SPON1: variants seen among roughly 807,000 people sequenced by gnomAD.
The protein encoded by SPON1 is spondin 1.
Under a neutral mutation model 111.7 loss-of-function variants are expected in SPON1, and 52 were observed. The observed-to-expected ratio is 0.47, with a 90% CI of 0.37 to 0.59. The LOEUF (loss-of-function observed/expected upper bound fraction) is 0.59, where lower values mean the gene tolerates loss of function less well. Ranked by LOEUF, SPON1 falls within the 20% of genes least tolerant of loss-of-function variation. SPON1 has a pLI of 0.00. For missense variants in SPON1, 957 were observed against 1,068.5 expected, an observed-to-expected ratio of 0.90 and a Z score of 1.46; for synonymous variants, 410 against 395.8, an observed-to-expected ratio of 1.04 and a Z score of -0.43.
intron 6 of SPON1, among the ~76,000 whole-genome samples, chr11:14,215,186 G>T (rs1477009533): frequency 1.3e-5 from 2 of 152,094 alleles, no homozygotes; most frequent in African/African-American, 4.8e-5. Flanking sequence ...CTCCCAAGTA[G>T]CTGGGACTAC....
In SPON1 at chr11:13,963,036, C is replaced by T. The variant is rs3761859; in HGVS notation, c.132C>T (p.Cys44=). 0.26 allele frequency: 414,253 copies of T among 1,586,008 alleles called. 55,993 individuals are homozygous for T. The highest frequency in any genetic ancestry group is 0.35 in the South Asian group (30,732 of 86,668). The change falls in exon 1 of 16, where the codon TGC becomes TGT. Residue 44 remains cysteine (C), a synonymous_variant. Coordinates refer to ENST00000576479, the MANE Select transcript of SPON1 (RefSeq NM_006108.4). ...AAGTGCCCAAGTCAGAGGGCTACTG[C>T]AGCCGTATCCTGCGCGCCCAGGGCA... ...LDKVPKSEGY[C]SRILRAQGTR...
chr11:14,242,405 G>A (rs1350082794), intron 6 of SPON1, among the ~76,000 whole-genome samples: 1 of 152,166 alleles, frequency 6.6e-6, no homozygotes, highest in Non-Finnish European at 1.5e-5. Context: ...ACATTCTGGA[G>A]TTTTCCACAC....
intron 7 of SPON1, among the ~76,000 whole-genome samples, chr11:14,250,170 C>T (rs753065232): frequency 5.9e-5 from 9 of 152,146 alleles, no homozygotes; most frequent in Non-Finnish European, 1.2e-4. Context: ...ACATTTTTTG[C>T]CAGCATGTCA....
At chr11:14,002,893 A>G (rs1336662292) in intron 2 of SPON1, among the ~76,000 whole-genome samples, 2 of 152,074 alleles carry the variant, frequency 1.3e-5, no homozygotes, top group African/African-American at 2.4e-5. Context: ...CCAAAGTCCT[A>G]GGACCCCACA....
chr11:14,235,341 C>T (rs879950567), intron 6 of SPON1, among the ~76,000 whole-genome samples: 5 of 152,166 alleles, frequency 3.3e-5, no homozygotes, highest in South Asian at 2.1e-4. Context: ...CAAACACCCT[C>T]GCCCTCTTGG....
intron 9 of SPON1, among the ~76,000 whole-genome samples, chr11:14,256,043 T>C (rs138698716): frequency 6.6e-6 from 1 of 152,268 alleles, no homozygotes; most frequent in African/African-American, 2.4e-5. Flanking sequence ...GGTCAGGAAT[T>C]CAAGACCAGC....
chr11:13,997,963 T>C (rs544804087), intron 2 of SPON1, among the ~76,000 whole-genome samples: 27 of 152,278 alleles, frequency 1.8e-4, no homozygotes, highest in Non-Finnish European at 1.9e-4. Context: ...TTGCTTCGTA[T>C]ACTTTAACTT....
At chr11:14,107,712 C>A (rs1849196345) in intron 5 of SPON1, among the ~76,000 whole-genome samples, 2 of 152,078 alleles carry the variant, frequency 1.3e-5, no homozygotes. Context: ...ATACCAAATC[C>A]CCAAACCAGA....
At chr11:14,084,144 T>G (rs1193311503) in intron 5 of SPON1, among the ~76,000 whole-genome samples, 1 of 152,094 alleles carries the variant, frequency 6.6e-6, no homozygotes, top group Admixed American at 6.5e-5. Context: ...CTTTTTTTTT[T>G]TAACTTTAAG....
chr11:14,139,783 AG>A (rs1337601491), intron 6 of SPON1, among the ~76,000 whole-genome samples: 1 of 151,866 alleles, frequency 6.6e-6, no homozygotes, highest in Non-Finnish European at 1.5e-5. Context: ...AGGAGTAGGG[AG>A]GGGCCTGTTT....
chr11:14,081,242 C>A (rs1424771541), intron 5 of SPON1, among the ~76,000 whole-genome samples: 14 of 152,082 alleles, frequency 9.2e-5, no homozygotes, highest in Admixed American at 9.2e-4. Context: ...ATGTGCCAGG[C>A]ACTGTGCTCA....
chr11:14,204,560 T>C (rs1848497308), intron 6 of SPON1, among the ~76,000 whole-genome samples: 3 of 152,168 alleles, frequency 2.0e-5, no homozygotes, highest in African/African-American at 7.2e-5. Flanking sequence ...AGTGCTGGGA[T>C]TACAGGCGTG....
Position 14,037,666 on chromosome 11 carries a change from G to T in SPON1, c.346-3855G>T, listed in dbSNP as rs571375544. ...ACAGAAGAAAACCTAGATGACATTG[G>T]ATATGGCAGTGATTTTTTAAGTACA... On this transcript the variant is annotated intron_variant, in intron 2 of 15. Transcript: ENST00000576479. 6.3e-4 allele frequency among the ~76,000 whole-genome samples: 96 copies of T among 152,262 alleles called. 1 individual carries two copies. Among genetic ancestry groups the T allele is most frequent in the African/African-American group, 2.3e-3 (94 of 41,550 alleles).
rs540826315 is a variant in SPON1, at chr11:14,135,176, C to T, written c.677-244C>T. 3.5e-5 allele frequency: 14 copies of T among 401,046 alleles called. No homozygotes were observed. The highest frequency in any genetic ancestry group is 2.4e-4 in the African/African-American group (12 of 50,670). 24.8% of individuals were successfully genotyped at this position (401,046 alleles called of 1,614,324 possible). On this transcript the variant is annotated intron_variant, in intron 5 of 15. Transcript: ENST00000576479. This position sits in a 1 kb window ranked among gnomAD's most constrained non-coding sequence, Gnocchi z 4.4. ...TTCTCTGAGACCTTCCTAGACAGAACGCATCTCTGGGCTGCCTCTGCGTCT... is the reference window on the plus strand; with the variant it reads ...TTCTCTGAGACCTTCCTAGACAGAATGCATCTCTGGGCTGCCTCTGCGTCT...
intron 6 of SPON1, among the ~76,000 whole-genome samples, chr11:14,206,774 G>A (rs1490487661): frequency 2.0e-5 from 3 of 152,124 alleles, no homozygotes; most frequent in African/African-American, 2.4e-5. Context: ...CCCGTGGATA[G>A]GGAAGAGTCA....
chr11:14,144,301 A>G (rs1167599630), intron 6 of SPON1, among the ~76,000 whole-genome samples: 1 of 152,190 alleles, frequency 6.6e-6, no homozygotes, highest in East Asian at 1.9e-4. Context: ...CTACTAGAGC[A>G]TAAAGACAAG....
At chr11:13,982,992 C>A (rs180989995) in intron 2 of SPON1, 39 bp downstream of exon 2, 2 of 1,369,922 alleles carry the variant, frequency 1.5e-6, no homozygotes, top group Non-Finnish European at 2.0e-6. Flanking sequence ...GCCCTCCCTG[C>A]CCTAGGAGGT....
intron 5 of SPON1, among the ~76,000 whole-genome samples, chr11:14,082,179 A>G (rs1848967520): frequency 1.1e-5 from 1 of 88,716 alleles, no homozygotes; most frequent in Non-Finnish European, 2.9e-5. Flanking sequence ...GAATTTAGGG[A>G]GGAGGTGAAA....
rs187095614 is a variant in SPON1 at position 13,963,816 on chromosome 11, C to T, written c.238+674C>T. Among the ~76,000 whole-genome samples the T allele has an allele frequency of 4.1e-3, 625 of 152,298 alleles. 2 individuals are homozygous for T. Among genetic ancestry groups the T allele is most frequent in the Middle Eastern group, 6.8e-3 (2 of 294 alleles). On this transcript the variant is annotated intron_variant, in intron 1 of 15. Transcript: ENST00000576479. ...GTATCTTGGGTTTCCAGAACAGGTT[C>T]CCAGTGGGGACAGGGTCCTCAAAGA...
Sources: gnomAD v4.1 joint callset for allele counts (sites outside exome capture counted in the v4.1 genomes callset) on GRCh38, gnomAD v4.1.1 for gene constraint, Gnocchi (gnomAD v3.1) non-coding constraint, MANE v1.5 for transcripts, NCBI Gene and HGNC (gene_info 2026-07-23, HGNC 2026-07-21) for gene names.